Variants in PTGR3 observed in about 807,000 individuals in gnomAD.
The protein encoded by PTGR3 is zinc binding alcohol dehydrogenase domain containing 2.
the PTGR3 span, chr18:75,209,094 G>A: frequency 1.4e-6 from 2 of 1,434,606 alleles, no homozygotes; most frequent in African/African-American, 3.0e-5. The surrounding 1 kb of genome is among the most constrained non-coding windows in gnomAD (Gnocchi z 4.7). Context: ...CGCCGACGCT[G>A]GCCGGGGTCG....
the PTGR3 span, among the ~76,000 whole-genome samples, chr18:75,202,665 CAA>C: frequency 2.7e-4 from 21 of 79,080 alleles, no homozygotes; most frequent in Non-Finnish European, 4.1e-4. Flanking sequence ...TAGAAATAAG[CAA>C]AAAAAAAAAA....
chr18:75,208,977 C>A, the PTGR3 span: 7 of 1,594,308 alleles, frequency 4.4e-6, no homozygotes, highest in East Asian at 1.6e-4. Context: ...TGGGGAATGG[C>A]GGAGCCCTGG....
At chr18:75,199,081 C>CA in the PTGR3 span, 1 of 152,630 alleles carries the variant, frequency 6.6e-6, no homozygotes, top group African/African-American at 2.4e-5. Context: ...GTGAAAACAG[C>CA]ATGCAGTGCA....
At chr18:75,195,962 A>T in the PTGR3 span, 1 of 152,210 alleles carries the variant, frequency 6.6e-6, no homozygotes, top group Non-Finnish European at 1.5e-5. Flanking sequence ...AGAGCCAGAG[A>T]TGGGTGCAGG....
chr18:75,196,448 T>A, the PTGR3 span: 1 of 151,524 alleles, frequency 6.6e-6, no homozygotes, highest in East Asian at 1.9e-4. Context: ...GGCTACATAG[T>A]AGAACCTCAT....
the PTGR3 span, chr18:75,209,087 C>G: frequency 6.8e-7 from 1 of 1,465,898 alleles, no homozygotes; most frequent in Non-Finnish European, 9.0e-7. The surrounding 1 kb of genome is among the most constrained non-coding windows in gnomAD (Gnocchi z 4.7). Flanking sequence ...CTCTCTGCGC[C>G]GACGCTGGCC....
At chr18:75,199,721 G>C in the PTGR3 span, 1 of 152,590 alleles carries the variant, frequency 6.6e-6, no homozygotes, top group Non-Finnish European at 1.5e-5. Context: ...CTCGCATCAG[G>C]CCGCTACCCT....
the PTGR3 span, chr18:75,201,109 C>G: frequency 2.9e-6 from 1 of 341,556 alleles, no homozygotes; most frequent in Non-Finnish European, 5.3e-6. Context: ...TCGATCAGAT[C>G]TGGCATCAGG....
the PTGR3 span, among the ~76,000 whole-genome samples, chr18:75,207,115 G>A: frequency 6.6e-6 from 1 of 152,222 alleles, no homozygotes; most frequent in Admixed American, 6.5e-5. Context: ...GCGCAGCCCG[G>A]CGGGAGCCCT....
the PTGR3 span, chr18:75,199,180 C>G: frequency 6.6e-6 from 1 of 152,536 alleles, no homozygotes; most frequent in East Asian, 1.9e-4. Flanking sequence ...TTTTACATAG[C>G]TGCATTTAGT....
the PTGR3 span, among the ~76,000 whole-genome samples, chr18:75,207,211 G>A: frequency 1.3e-5 from 2 of 151,978 alleles, no homozygotes; most frequent in Admixed American, 1.3e-4. Flanking sequence ...GCCCTTCCTC[G>A]CTCAGTCGCC....
the PTGR3 span, among the ~76,000 whole-genome samples, chr18:75,202,880 T>C: frequency 6.6e-6 from 1 of 152,304 alleles, no homozygotes; most frequent in South Asian, 2.1e-4. Context: ...ACAATGATAT[T>C]ATTAAAGATT....
the PTGR3 span, among the ~76,000 whole-genome samples, chr18:75,202,892 A>T: frequency 2.6e-5 from 4 of 152,332 alleles, no homozygotes; most frequent in African/African-American, 9.6e-5. Context: ...TTAAAGATTG[A>T]TGGAATGTGC....
At chr18:75,206,068 CT>C in the PTGR3 span, among the ~76,000 whole-genome samples, 1 of 152,166 alleles carries the variant, frequency 6.6e-6, no homozygotes, top group East Asian at 1.9e-4. Flanking sequence ...CTCTCTCTCT[CT>C]TTTTCTTTTC....
At chr18:75,201,474 C>T in the PTGR3 span, 3 of 1,613,732 alleles carry the variant, frequency 1.9e-6, no homozygotes, top group Admixed American at 5.0e-5. Context: ...AGTGTTTTTT[C>T]CCATGTACAT....
chr18:75,199,280 A>T, the PTGR3 span: 1 of 152,598 alleles, frequency 6.6e-6, no homozygotes, highest in African/African-American at 2.4e-5. Flanking sequence ...TTACCCTCCC[A>T]TTAAAATGAA....
the PTGR3 span, chr18:75,202,331 A>G: frequency 1.8e-5 from 29 of 1,603,914 alleles, no homozygotes; most frequent in Non-Finnish European, 2.0e-5. Flanking sequence ...ATGCGTTAAC[A>G]CCAACAAATC....
the PTGR3 span, among the ~76,000 whole-genome samples, chr18:75,206,107 G>T: frequency 6.6e-6 from 1 of 152,146 alleles, no homozygotes; most frequent in Non-Finnish European, 1.5e-5. Flanking sequence ...GGGGGAGATG[G>T]GAAGTTGTTC....
chr18:75,208,944 T>A, the PTGR3 span: 1 of 1,591,188 alleles, frequency 6.3e-7, no homozygotes, highest in South Asian at 1.1e-5. Flanking sequence ...CTCAGCCGGG[T>A]CACCACCAGC....
Sources: allele counts gnomAD v4.1 joint callset (sites outside exome capture counted in the v4.1 genomes callset), GRCh38; gene constraint gnomAD v4.1.1; non-coding constraint Gnocchi (gnomAD v3.1); transcripts MANE v1.5; gene names NCBI Gene and HGNC (gene_info 2026-07-23, HGNC 2026-07-21).